LYST: variants seen among roughly 807,000 people sequenced by gnomAD.
LYST encodes lysosomal trafficking regulator.
LYST carries 192 observed loss-of-function variants against 413.6 expected under a neutral mutation model. That is an observed-to-expected ratio of 0.46 (90% confidence interval 0.41 to 0.52). The LOEUF (loss-of-function observed/expected upper bound fraction) is 0.52. Among genes scored for constraint, LYST ranks in the 20% least tolerant of loss-of-function variants. LYST has a pLI of 0.00. For synonymous variants in LYST, 1,525 were observed against 1,567.3 expected, an observed-to-expected ratio of 0.97 and a Z score of 0.64; for missense variants, 3,815 against 4,499.9, an observed-to-expected ratio of 0.85 and a Z score of 4.35.
At chr1:235,709,934 T>C (rs1662278869) in intron 43 of LYST, among the ~76,000 whole-genome samples, 1 of 139,880 alleles carries the variant, frequency 7.1e-6, no homozygotes, top group Non-Finnish European at 1.5e-5. Context: ...TCTTCTGTGA[T>C]GTAAATGAGC....
chr1:235,694,327 T>A (rs1032267349), intron 46 of LYST, among the ~76,000 whole-genome samples: 2 of 152,188 alleles, frequency 1.3e-5, no homozygotes, highest in East Asian at 1.9e-4. Flanking sequence ...CTCTCTTTTT[T>A]ACAACATAGT....
rs200753782 is a variant in LYST at position 235,753,239 on chromosome 1, A to G, written c.7265T>C (p.Phe2422Ser). The G allele has an allele frequency of 6.2e-7, 1 of 1,608,590 alleles. No individual in the cohort carries two copies. The highest frequency in any genetic ancestry group is 1.3e-5 in the African/African-American group (1 of 74,916). Residue 2422 changes from phenylalanine (F) to serine (S), a missense_variant, in exon 26 of 53, where the codon TTT (phenylalanine) becomes TCT (serine). Phe to Ser is a radical substitution (Grantham distance 155). Transcript: ENST00000389793. Reference sequence around the variant, plus strand: ...AATAGGAATGACAGACCACTTCTGAAACAATCCCATGTTTCTCACATCTTC... The same window carrying G: ...AATAGGAATGACAGACCACTTCTGAGACAATCCCATGTTTCTCACATCTTC... Reference protein sequence around the residue: ...DLEDVRNMGLFQKWSVIPILG... With the variant: ...DLEDVRNMGLSQKWSVIPILG...
In LYST at chr1:235,806,447, T is replaced by C; in HGVS notation, c.2689A>G (p.Thr897Ala). 6.2e-7 allele frequency: 1 copy of C among 1,614,118 alleles called. No individual in the cohort carries two copies. The highest frequency in any genetic ancestry group is 8.5e-7 in the Non-Finnish European group (1 of 1,179,980). The change falls in exon 6 of 53, where the codon ACA becomes GCA. Residue 897 changes from threonine (T) to alanine (A), a missense_variant. Thr to Ala is a moderately conservative substitution (Grantham distance 58, BLOSUM62 0). Coordinates refer to ENST00000389793, the MANE Select transcript of LYST (RefSeq NM_000081.4). Reference sequence around the variant, plus strand: ...GCCACACAGAGGAATAGGTTTATTGTGTTGATATGAACATCTTGGTTAACA... The same window carrying C: ...GCCACACAGAGGAATAGGTTTATTGCGTTGATATGAACATCTTGGTTAACA... ...KTVNQDVHIN[T>A]INLFLCVAFL... is the part of the protein sequence containing the mutation.
chr1:235,811,449 T>C (rs546525682), intron 4 of LYST, among the ~76,000 whole-genome samples: 31 of 152,334 alleles, frequency 2.0e-4, no homozygotes, highest in Non-Finnish European at 3.8e-4. Flanking sequence ...TAAATAATTC[T>C]TTATTCAAAT....
chr1:235,808,660 G>A lies in LYST; in HGVS notation c.2158C>T (p.Gln720Ter), dbSNP rs1316749927. 3 of 1,613,222 alleles carry A rather than the reference G, an allele frequency of 1.9e-6. No individual in the cohort carries two copies. The highest frequency in any genetic ancestry group is 2.5e-6 in the Non-Finnish European group (3 of 1,179,330). The part of the protein sequence containing the change: ...QIANHICNLI[Q>*]KGNIVVQWKL... Reference sequence around the variant, plus strand: ...CACTGAACAACTATATTGCCTTTCTGGATTAAATTGCAAATGTGATTTGCA... The same window carrying A: ...CACTGAACAACTATATTGCCTTTCTAGATTAAATTGCAAATGTGATTTGCA... Residue 720 changes from glutamine to a stop codon, truncating the protein, a stop_gained, in exon 5 of 53, where the codon CAG becomes TAG. Coordinates refer to ENST00000389793, the MANE Select transcript of LYST (RefSeq NM_000081.4). LOFTEE classifies it high-confidence loss of function.
Position 235,762,732 on chromosome 1 carries a change from A to T in LYST, c.6241T>A (p.Ser2081Thr). ...MVISPSGFTA[S>T]PYEGENSSNI... ...TTGCTATTTTTACCTTCATATGGTG[A>T]AGCAGTAAAACCAGATGGGCTTATT... Residue 2081 changes from serine to threonine, a missense_variant, in exon 22 of 53, where the codon TCA becomes ACA. Ser to Thr is a moderately conservative substitution (Grantham distance 58, BLOSUM62 1). Around this residue, in one of 4 missense-constraint regions of LYST, gnomAD observed 530 missense variants for 696.5 expected, o/e 0.76. Transcript: ENST00000389793. 1 of 1,613,372 alleles carries T rather than the reference A, an allele frequency of 6.2e-7. No individual in the cohort carries two copies. The highest frequency in any genetic ancestry group is 8.5e-7 in the Non-Finnish European group (1 of 1,179,482).
intron 44 of LYST, among the ~76,000 whole-genome samples, chr1:235,708,169 A>G (rs1310055860): frequency 6.6e-6 from 1 of 152,152 alleles, no homozygotes; most frequent in Non-Finnish European, 1.5e-5. Context: ...TTATTATTAT[A>G]TAAATGGAAT....
At chr1:235,798,039 T>C (rs1671750800) in intron 10 of LYST, among the ~76,000 whole-genome samples, 1 of 152,112 alleles carries the variant, frequency 6.6e-6, no homozygotes, top group Non-Finnish European at 1.5e-5. Flanking sequence ...ACATCACTAA[T>C]CATTAGGGAA....
intron 1 of LYST, among the ~76,000 whole-genome samples, chr1:235,846,680 A>C (rs1377656329): frequency 6.6e-6 from 1 of 152,148 alleles, no homozygotes; most frequent in African/African-American, 2.4e-5. Context: ...AAAGAAAAAA[A>C]ACAATAAAAA....
intron 1 of LYST, among the ~76,000 whole-genome samples, chr1:235,872,473 A>T (rs932383306): frequency 1.3e-5 from 2 of 152,126 alleles, no homozygotes; most frequent in Non-Finnish European, 1.5e-5. Context: ...CCGAGGGGGG[A>T]TCCAGCAATG....
At chr1:235,825,789 T>C (rs1291265683) in intron 3 of LYST, among the ~76,000 whole-genome samples, 5 of 152,150 alleles carry the variant, frequency 3.3e-5, no homozygotes, top group African/African-American at 1.2e-4. Flanking sequence ...CCATCTTAAA[T>C]GAAATCCTAG....
rs1033346044 is a variant in LYST at position 235,662,810 on chromosome 1, T to C, written c.*130A>G. ...CTCTTCAGAATTTTGTGCAGATGAA[T>C]AGACTTTATCATTATTTGGATGGTT... On this transcript the variant is annotated 3_prime_UTR_variant, in exon 53 of 53. Transcript: ENST00000389793. 5 of 768,740 alleles carry C rather than the reference T, an allele frequency of 6.5e-6. No homozygotes were observed. Among genetic ancestry groups the C allele is most frequent in the African/African-American group, 5.1e-5 (3 of 59,116 alleles). 47.6% of individuals were successfully genotyped at this position (768,740 alleles called of 1,614,324 possible). A position where few individuals can be genotyped will look rare whatever the true frequency, so the allele number is the denominator to read the frequency against.
At position 235,810,234 on chromosome 1, in the gene LYST, A is replaced by G. The variant is rs750493937; in HGVS notation, c.584T>C (p.Phe195Ser). 6.2e-7 allele frequency: 1 copy of G among 1,614,082 alleles called. No homozygotes were observed. The highest frequency in any genetic ancestry group is 8.5e-7 in the Non-Finnish European group (1 of 1,179,978). ...AGCTTTGGGGTGGTCTTGTTTAGGAAACGATGTTAAAAAATGATGCAGCAG... is the reference window on the plus strand; with the variant it reads ...AGCTTTGGGGTGGTCTTGTTTAGGAGACGATGTTAAAAAATGATGCAGCAG... ...PHLLHHFLTSFPKQDHPKAKL... is the reference protein window; with the variant it reads ...PHLLHHFLTSSPKQDHPKAKL... The change falls in exon 5 of 53, where the codon TTT (phenylalanine) becomes TCT (serine). Residue 195 changes from phenylalanine to serine, a missense_variant. Transcript: ENST00000389793.
intron 36 of LYST, among the ~76,000 whole-genome samples, chr1:235,730,565 ATATGTG>A (rs754478774): frequency 6.6e-5 from 7 of 105,486 alleles, no homozygotes; most frequent in East Asian, 2.6e-4. Flanking sequence ...ATACATATTT[ATATGTG>A]TGTGTGTGTG....
At chr1:235,836,954 T>C (rs1357584487) in intron 1 of LYST, among the ~76,000 whole-genome samples, 1 of 152,150 alleles carries the variant, frequency 6.6e-6, no homozygotes, top group African/African-American at 2.4e-5. Flanking sequence ...CATCAGGATA[T>C]CATCAATAAA....
intron 2 of LYST, among the ~76,000 whole-genome samples, chr1:235,831,161 A>G (rs1454722962): frequency 6.6e-6 from 1 of 152,192 alleles, no homozygotes; most frequent in African/African-American, 2.4e-5. Context: ...CCTTTAAAAG[A>G]TATTTAACAT....
chr1:235,832,465 AATGT>A (rs1421213594), intron 2 of LYST, among the ~76,000 whole-genome samples: 3 of 149,930 alleles, frequency 2.0e-5, no homozygotes, highest in African/African-American at 7.6e-5. Flanking sequence ...TCTCAACAGA[AATGT>A]ATGTTTTTTC....
At position 235,864,399 on chromosome 1, in the gene LYST, C is replaced by T. The variant is rs375382586; in HGVS notation, c.-98+2444G>A. ...ACCTAATCTCAGTAAACAAGTACCC[C>T]ATCTTTCTACTTGTTCGGAACTAAA... On this transcript the variant is annotated intron_variant, in intron 1 of 52. Coordinates refer to ENST00000389793, the MANE Select transcript of LYST (RefSeq NM_000081.4). 2.7e-3 allele frequency among the ~76,000 whole-genome samples: 413 copies of T among 152,272 alleles called. 2 individuals are homozygous for T. Among genetic ancestry groups the T allele is most frequent in the African/African-American group, 9.5e-3 (396 of 41,562 alleles).
intron 47 of LYST, among the ~76,000 whole-genome samples, chr1:235,692,269 G>A (rs1452741817): frequency 6.6e-6 from 1 of 151,698 alleles, no homozygotes; most frequent in Non-Finnish European, 1.5e-5. Flanking sequence ...GGAGGCGGAG[G>A]TTGCAGTGGG....
Sources: gnomAD v4.1 joint callset for allele counts (sites outside exome capture counted in the v4.1 genomes callset) on GRCh38, gnomAD v4.1.1 for gene constraint, gnomAD v4.1.1 regional missense constraint, MANE v1.5 for transcripts, NCBI Gene and HGNC (gene_info 2026-07-23, HGNC 2026-07-21) for gene names.